PRKCI: variants seen among roughly 807,000 people sequenced by gnomAD.
The protein encoded by PRKCI is protein kinase C iota.
In PRKCI, 43 loss-of-function variants were observed where a neutral mutation model predicts 84.0. That is an observed-to-expected ratio of 0.51 (90% CI 0.40 to 0.66). The LOEUF is 0.66. Ranked by LOEUF, PRKCI falls within the 30% of genes least tolerant of loss-of-function variation. PRKCI has a pLI of 0.00. For synonymous variants in PRKCI, 216 were observed against 234.4 expected (o/e 0.92, Z 0.72); for missense variants, 459 against 745.6 (o/e 0.62, Z 4.48).
intron 2 of PRKCI, among the ~76,000 whole-genome samples, chr3:170,235,919 T>C (rs1024249123): frequency 1.1e-4 from 17 of 152,044 alleles, no homozygotes; most frequent in African/African-American, 3.6e-4. Context: ...TGTGATGTTT[T>C]ACTTTAATTT....
At chr3:170,242,086 G>T (rs1297165813) in intron 2 of PRKCI, among the ~76,000 whole-genome samples, 1 of 151,772 alleles carries the variant, frequency 6.6e-6, no homozygotes, top group Non-Finnish European at 1.5e-5. Flanking sequence ...TCTAGCCTGG[G>T]CAACAATAGC....
At chr3:170,257,263 C>A (rs1733606365) in intron 2 of PRKCI, among the ~76,000 whole-genome samples, 1 of 152,124 alleles carries the variant, frequency 6.6e-6, no homozygotes, top group Non-Finnish European at 1.5e-5. Flanking sequence ...CACAGGATTT[C>A]TTAATAGTGG....
chr3:170,283,102 C>A (rs563639347), intron 11 of PRKCI, among the ~76,000 whole-genome samples: 1 of 144,264 alleles, frequency 6.9e-6, no homozygotes, highest in Admixed American at 6.8e-5. Flanking sequence ...GAGACTCCGT[C>A]TCAAAAAAAA....
chr3:170,290,189 A>G (rs1183387311), intron 12 of PRKCI, among the ~76,000 whole-genome samples: 2 of 152,132 alleles, frequency 1.3e-5, no homozygotes, highest in East Asian at 3.8e-4. Context: ...GTTCTGTTGA[A>G]TTTCATATAG....
rs962011999 is a variant in PRKCI, at chr3:170,282,065, A to C, written c.1067+97A>C. The stretch of plus-strand genomic sequence containing the variant: ...AACAGTAGATAAATAATTTATTTTG[A>C]TACTAGTTAATTATTTGTAAGTCAT... On this transcript the variant is annotated intron_variant, in intron 11 of 17. Transcript: ENST00000295797. 1.8e-5 allele frequency: 22 copies of C among 1,248,680 alleles called. No homozygotes were observed. In the Middle Eastern group the frequency reaches 1.4e-3, roughly 78 times the overall value. The allele number at this position is 1,248,680 out of a possible 1,614,324, so 77.4% of individuals were successfully genotyped here. A position where few individuals can be genotyped will look rare whatever the true frequency, so the allele number is the denominator to read the frequency against.
chr3:170,288,238 T>A (rs1296155458), intron 12 of PRKCI, among the ~76,000 whole-genome samples: 2 of 150,994 alleles, frequency 1.3e-5, no homozygotes, highest in South Asian at 2.1e-4. Context: ...AGAGTGAGAC[T>A]ACGTCTCAAA....
intron 2 of PRKCI, among the ~76,000 whole-genome samples, chr3:170,258,655 G>A (rs551048757): frequency 1.1e-4 from 16 of 152,242 alleles, no homozygotes; most frequent in East Asian, 7.7e-4. Flanking sequence ...CTCATTGATC[G>A]CCAGGGATGA....
rs555886465 is a variant in PRKCI at position 170,305,430 on chromosome 3, A to C, written c.*2303A>C. 6 of 152,740 alleles carry C rather than the reference A, an allele frequency of 3.9e-5. No homozygotes were observed. The highest frequency in any genetic ancestry group is 1.4e-4 in the African/African-American group (6 of 41,582). The allele number at this position is 152,740 out of a possible 1,614,324, so 9.5% of individuals were successfully genotyped here. A position where few individuals can be genotyped will look rare whatever the true frequency, so the allele number is the denominator to read the frequency against. On this transcript the variant is annotated 3_prime_UTR_variant, in exon 18 of 18. Transcript: ENST00000295797. ...TAAAGCAAATTTTGAATGAATCTTT[A>C]AGTTAGGTATCTACCTTCCCACCAG...
chr3:170,275,942 T>C (rs1428111856), intron 8 of PRKCI, among the ~76,000 whole-genome samples: 2 of 151,322 alleles, frequency 1.3e-5, no homozygotes, highest in Non-Finnish European at 2.9e-5. Context: ...TTCTTTTTTT[T>C]TTTTTTTTTG....
chr3:170,263,638 C>G (rs1733787879), intron 4 of PRKCI, among the ~76,000 whole-genome samples: 1 of 151,766 alleles, frequency 6.6e-6, no homozygotes, highest in Non-Finnish European at 1.5e-5. Flanking sequence ...CTTGTCTTTC[C>G]AAAAACACAC....
rs772861676 is a variant in PRKCI, at chr3:170,222,620, GCGCCCCCC to G, written c.-46_-39del. 43 of 1,480,576 alleles carry G rather than the reference GCGCCCCCC, an allele frequency of 2.9e-5. No individual in the cohort carries two copies. The South Asian group carries it at 5.5e-4, about 19-fold the overall frequency. The allele number at this position is 1,480,576 out of a possible 1,614,324, so 91.7% of individuals were successfully genotyped here. A position where few individuals can be genotyped will look rare whatever the true frequency, so the allele number is the denominator to read the frequency against. ...GGCGGAGTCCCCCACGGCGCCCGAA[GCGCCCCCC>G]CGCACCCCCGGCCTCCAGCGTTGAG... On this transcript the variant is annotated 5_prime_UTR_variant, in exon 1 of 18. Coordinates refer to ENST00000295797, the MANE Select transcript of PRKCI (RefSeq NM_002740.6).
intron 13 of PRKCI, among the ~76,000 whole-genome samples, chr3:170,292,383 C>T (rs980521794): frequency 2.6e-4 from 40 of 152,282 alleles, no homozygotes; most frequent in African/African-American, 8.4e-4. Context: ...TTTCAGATTT[C>T]CTGGGATATT....
chr3:170,240,288 GT>G (rs201509343), intron 2 of PRKCI, among the ~76,000 whole-genome samples: 4,326 of 148,720 alleles, frequency 0.029, 88 homozygotes, highest in East Asian at 0.086. Context: ...TGTTTATTCT[GT>G]TTTTTTTTTC....
At chr3:170,265,646 G>A (rs184745970) in intron 4 of PRKCI, among the ~76,000 whole-genome samples, 1 of 144,398 alleles carries the variant, frequency 6.9e-6, no homozygotes, top group Non-Finnish European at 1.5e-5. Context: ...AGATGGTCTT[G>A]CTCTGTCGCC....
At chr3:170,268,832 A>T (rs1258143198) in intron 5 of PRKCI, among the ~76,000 whole-genome samples, 2 of 152,346 alleles carry the variant, frequency 1.3e-5, no homozygotes, top group East Asian at 3.9e-4. Context: ...CTTGCCCAAG[A>T]TAATACAGCT....
chr3:170,225,175 C>T (rs2108832387), intron 1 of PRKCI, among the ~76,000 whole-genome samples: 1 of 152,302 alleles, frequency 6.6e-6, no homozygotes, highest in East Asian at 1.9e-4. Context: ...ACCTCTTGCC[C>T]ATTGTATACT....
chr3:170,294,520 A>G (rs560342245), intron 14 of PRKCI, among the ~76,000 whole-genome samples: 1 of 152,240 alleles, frequency 6.6e-6, no homozygotes, highest in Non-Finnish European at 1.5e-5. Context: ...AAGTTGGGTA[A>G]TACCAGTGCT....
At position 170,268,109 on chromosome 3, in the gene PRKCI, A is replaced by G. The variant is rs915563395; in HGVS notation, c.450+109A>G. On this transcript the variant is annotated intron_variant, in intron 5 of 17. Coordinates refer to ENST00000295797, the MANE Select transcript of PRKCI (RefSeq NM_002740.6). ...AGTCTTGTTATACACTTTTAAATAC[A>G]TAAGTAGCATGACCTTACATTTCCA... 8.6e-6 allele frequency: 7 copies of G among 811,452 alleles called. No homozygotes were observed. In the African/African-American group the frequency reaches 1.2e-4, roughly 14 times the overall value. 50.3% of individuals were successfully genotyped at this position (811,452 alleles called of 1,614,324 possible).
chr3:170,225,281 T>A (rs1732599694), intron 1 of PRKCI, among the ~76,000 whole-genome samples: 1 of 152,192 alleles, frequency 6.6e-6, no homozygotes, highest in Non-Finnish European at 1.5e-5. Context: ...ATTCCTGTCC[T>A]CTGAAATTAG....
Sources: gnomAD v4.1 joint callset for allele counts (sites outside exome capture counted in the v4.1 genomes callset) on GRCh38, gnomAD v4.1.1 for gene constraint, MANE v1.5 for transcripts, NCBI Gene and HGNC (gene_info 2026-07-23, HGNC 2026-07-21) for gene names.